The following SNX8 variants were observed in gnomAD, a reference collection of about 807,000 sequenced individuals.
SNX8 encodes sorting nexin 8, also known as sorting nexin-8.
SNX8 carries 25 observed loss-of-function variants against 51.6 expected under a neutral mutation model. That is an observed-to-expected ratio of 0.48 (90% CI 0.35 to 0.68). The LOEUF is 0.68. SNX8 is among the 30% of genes least tolerant of loss of function. The probability of loss-of-function intolerance (pLI) is 0.00; values close to 1 mark genes in which losing one functional copy is unlikely to be tolerated. For missense variants in SNX8, 695 were observed against 624.0 expected, an observed-to-expected ratio of 1.11 and a Z score of -1.21; for synonymous variants, 324 against 277.0, an observed-to-expected ratio of 1.17 and a Z score of -1.68.
chr7:2,263,866 C>T (rs958742730), intron 6 of SNX8, among the ~76,000 whole-genome samples: 1 of 152,150 alleles, frequency 6.6e-6, no homozygotes, highest in African/African-American at 2.4e-5. Flanking sequence ...GCACCCGCCA[C>T]CACGCCCAGA....
intron 1 of SNX8, among the ~76,000 whole-genome samples, chr7:2,283,903 C>T (rs1009367170): frequency 6.6e-6 from 1 of 152,218 alleles, no homozygotes; most frequent in Non-Finnish European, 1.5e-5. Flanking sequence ...TCCAGCGATT[C>T]TCATGCCTCA....
intron 1 of SNX8, among the ~76,000 whole-genome samples, chr7:2,284,567 G>C (rs1795979432): frequency 6.6e-6 from 1 of 151,606 alleles, no homozygotes; most frequent in Admixed American, 6.6e-5. Context: ...ACCATGCCCA[G>C]CTAATTTTTT....
chr7:2,279,893 C>T (rs551313132), intron 1 of SNX8, among the ~76,000 whole-genome samples: 1 of 152,012 alleles, frequency 6.6e-6, no homozygotes, highest in East Asian at 1.9e-4. Flanking sequence ...GAAATATGTA[C>T]AAGTTTTGTG....
intron 1 of SNX8, among the ~76,000 whole-genome samples, chr7:2,280,527 A>G (rs1314233456): frequency 6.6e-6 from 1 of 152,146 alleles, no homozygotes; most frequent in Non-Finnish European, 1.5e-5. Flanking sequence ...GCATGTATTA[A>G]TTTTTATGAT....
At chr7:2,319,633 G>A (rs1210574667) in intron 1 of SNX8, among the ~76,000 whole-genome samples, 3 of 152,166 alleles carry the variant, frequency 2.0e-5, no homozygotes, top group Non-Finnish European at 4.4e-5. Flanking sequence ...GGCTAACACG[G>A]TGAAACCCCG....
intron 1 of SNX8, among the ~76,000 whole-genome samples, chr7:2,352,926 G>A (rs1286687693): frequency 6.6e-6 from 1 of 152,150 alleles, no homozygotes; most frequent in African/African-American, 2.4e-5. Context: ...ATACACCACT[G>A]ACAGCATGAT....
At chr7:2,291,683 A>G (rs1796154271) in intron 1 of SNX8, among the ~76,000 whole-genome samples, 1 of 151,962 alleles carries the variant, frequency 6.6e-6, no homozygotes, top group Non-Finnish European at 1.5e-5. Flanking sequence ...TTCTGAAATC[A>G]GTTCTCTCCA....
In SNX8 at chr7:2,278,184, C is replaced by T. The variant is rs1795826708; in HGVS notation, c.216G>A (p.Leu72=). Residue 72 remains leucine (L), a synonymous_variant, in exon 2 of 11, where the codon CTG becomes CTA. Transcript: ENST00000222990. ...LLLSHTLQEL[L]ARDTVQVELI... is the part of the protein sequence containing the mutation. The stretch of plus-strand genomic sequence containing the variant: ...GCTCCACCTGCACGGTGTCCCTGGC[C>T]AGCAGCTCCTGCAGGGTGTGGGACA... The T allele has an allele frequency of 6.2e-7, 1 of 1,614,084 alleles. No homozygotes were observed. The highest frequency in any genetic ancestry group is 8.5e-7 in the Non-Finnish European group (1 of 1,180,006).
chr7:2,258,308 C>G (rs1161053237), intron 7 of SNX8, among the ~76,000 whole-genome samples: 1 of 152,216 alleles, frequency 6.6e-6, no homozygotes, highest in African/African-American at 2.4e-5. Context: ...AGCCACCGCG[C>G]TGGGCCTGGC....
chr7:2,273,397 G>A (rs957152790), intron 3 of SNX8, among the ~76,000 whole-genome samples: 6 of 147,890 alleles, frequency 4.1e-5, no homozygotes, highest in Non-Finnish European at 7.4e-5. Context: ...ATCCTAACAC[G>A]GTGAAACCCC....
chr7:2,338,683 A>C (rs1778872616), intron 1 of SNX8, among the ~76,000 whole-genome samples: 1 of 152,124 alleles, frequency 6.6e-6, no homozygotes, highest in African/African-American at 2.4e-5. Context: ...GCTAATCTCA[A>C]ATAACAGGGT....
At chr7:2,325,122 A>G (rs905445716) in intron 1 of SNX8, among the ~76,000 whole-genome samples, 2 of 152,208 alleles carry the variant, frequency 1.3e-5, no homozygotes, top group Admixed American at 6.6e-5. Context: ...ATGAGCCACC[A>G]TGCCTGGCCC....
chr7:2,344,223 G>A (rs1409281502), intron 1 of SNX8, among the ~76,000 whole-genome samples: 1 of 151,270 alleles, frequency 6.6e-6, no homozygotes, highest in Non-Finnish European at 1.5e-5. Flanking sequence ...AAAATAAAAA[G>A]AAAATCCTAG....
In SNX8 at chr7:2,296,447, G is replaced by C. The variant is rs1357469219; in HGVS notation, c.94+17881C>G. 2.6e-5 allele frequency among the ~76,000 whole-genome samples: 4 copies of C among 152,048 alleles called. No individual in the cohort carries two copies. In the East Asian group the frequency reaches 5.8e-4, roughly 22 times the overall value. ...TGATTTTGTAACCTGAAACTTCACTGAATTCTTTTCTCAAATCTAGGAGTC... is the reference window on the plus strand; with the variant it reads ...TGATTTTGTAACCTGAAACTTCACTCAATTCTTTTCTCAAATCTAGGAGTC... On this transcript the variant is annotated intron_variant, in intron 1 of 10. Transcript: ENST00000222990.
intron 1 of SNX8, among the ~76,000 whole-genome samples, chr7:2,328,551 G>T (rs549594617): frequency 6.6e-6 from 1 of 151,744 alleles, no homozygotes; most frequent in South Asian, 2.1e-4. Context: ...GGTGGTTCAC[G>T]CCTGTAATCC....
intron 1 of SNX8, among the ~76,000 whole-genome samples, chr7:2,330,186 G>A (rs778294952): frequency 6.8e-6 from 1 of 146,748 alleles, no homozygotes; most frequent in Non-Finnish European, 1.5e-5. Flanking sequence ...TGCCCAGGCT[G>A]GAGTGCAGTG....
chr7:2,294,889 G>A (rs1318612740), intron 1 of SNX8, among the ~76,000 whole-genome samples: 1 of 151,994 alleles, frequency 6.6e-6, no homozygotes, highest in Non-Finnish European at 1.5e-5. Context: ...AAAAAGTCAG[G>A]CATGGTGGTG....
intron 7 of SNX8, among the ~76,000 whole-genome samples, chr7:2,259,319 G>C (rs1279973746): frequency 6.6e-6 from 1 of 152,188 alleles, no homozygotes. Context: ...GAAGGGCTCC[G>C]GTCCCCACAG....
intron 1 of SNX8, among the ~76,000 whole-genome samples, chr7:2,320,748 C>T (rs1014174758): frequency 6.6e-6 from 1 of 151,102 alleles, no homozygotes; most frequent in South Asian, 2.1e-4. Context: ...AGGCCAGGCG[C>T]GGTGGCTCAC....
Sources: gnomAD v4.1 joint callset for allele counts (sites outside exome capture counted in the v4.1 genomes callset) on GRCh38, gnomAD v4.1.1 for gene constraint, MANE v1.5 for transcripts, NCBI Gene and HGNC (gene_info 2026-07-23, HGNC 2026-07-21) for gene names.